The following PCDH15 variants were observed in gnomAD, a reference collection of about 807,000 sequenced individuals.
PCDH15 encodes protocadherin-15.
Under a neutral mutation model 178.5 loss-of-function variants are expected in PCDH15, and 129 were observed. The ratio of observed to expected loss-of-function variants is 0.72; its 90% CI spans 0.63 to 0.84. The LOEUF is 0.84. Among genes scored for constraint, PCDH15 ranks in the 40% least tolerant of loss-of-function variants. PCDH15 has a pLI of 0.00. For synonymous variants in PCDH15, 800 were observed against 732.0 expected, an observed-to-expected ratio of 1.09 and a Z score of -1.50; for missense variants, 2,230 against 2,099.9, an observed-to-expected ratio of 1.06 and a Z score of -1.21.
intron 25 of PCDH15, among the ~76,000 whole-genome samples, chr10:53,929,290 C>T (rs2084835854): frequency 6.6e-6 from 1 of 151,914 alleles, no homozygotes; most frequent in Admixed American, 6.6e-5. Context: ...TGCTATGAGT[C>T]CACTGGAATA....
At chr10:54,125,564 A>G (rs1435577696) in intron 15 of PCDH15, among the ~76,000 whole-genome samples, 1 of 152,188 alleles carries the variant, frequency 6.6e-6, no homozygotes, top group South Asian at 2.1e-4. Flanking sequence ...GCAAAGCTGA[A>G]GGGAATAAGG....
chr10:55,363,897 A>G (rs1845291039), intron 2 of PCDH15, among the ~76,000 whole-genome samples: 1 of 152,058 alleles, frequency 6.6e-6, no homozygotes, highest in Admixed American at 6.6e-5. Context: ...TCAGCCTCCC[A>G]AAGTGCTGGG....
chr10:54,142,211 T>A (rs931492498), intron 14 of PCDH15, among the ~76,000 whole-genome samples: 1 of 152,142 alleles, frequency 6.6e-6, no homozygotes, highest in African/African-American at 2.4e-5. Flanking sequence ...GCCACTGTGT[T>A]TTAATTTGTG....
intron 3 of PCDH15, among the ~76,000 whole-genome samples, chr10:54,834,600 CAA>C (rs1158759374): frequency 6.6e-6 from 1 of 151,500 alleles, no homozygotes; most frequent in Non-Finnish European, 1.5e-5. Flanking sequence ...AAGAAAGAAA[CAA>C]GAGAGTGACA....
At chr10:54,580,539 C>A (rs1260133245) in intron 2 of PCDH15, among the ~76,000 whole-genome samples, 5 of 151,944 alleles carry the variant, frequency 3.3e-5, no homozygotes, top group African/African-American at 1.2e-4. Flanking sequence ...GTCCTACTAC[C>A]AATTCTACTG....
chr10:54,945,461 C>T (rs1591799241), intron 2 of PCDH15, among the ~76,000 whole-genome samples: 2 of 145,444 alleles, frequency 1.4e-5, no homozygotes, highest in Non-Finnish European at 3.0e-5. Context: ...ATTATTTTGC[C>T]TTTTTTTTTT....
intron 2 of PCDH15, among the ~76,000 whole-genome samples, chr10:55,001,205 G>C (rs562513613): frequency 6.6e-6 from 1 of 152,130 alleles, no homozygotes; most frequent in African/African-American, 2.4e-5. Flanking sequence ...TACCCACTTC[G>C]GGTCTCCTGA....
intron 2 of PCDH15, among the ~76,000 whole-genome samples, chr10:55,011,119 CAT>C (rs1554822832): frequency 6.6e-6 from 1 of 151,990 alleles, no homozygotes; most frequent in Non-Finnish European, 1.5e-5. Context: ...CACACACACA[CAT>C]ACACGTGCAT....
At chr10:55,617,353 T>C (rs546222311) in intron 2 of PCDH15, among the ~76,000 whole-genome samples, 4 of 152,036 alleles carry the variant, frequency 2.6e-5, no homozygotes, top group Non-Finnish European at 5.9e-5. Flanking sequence ...TAAAAAGATA[T>C]ACTCTTCACT....
chr10:55,116,978 T>C (rs1411388969), intron 2 of PCDH15, among the ~76,000 whole-genome samples: 2 of 152,196 alleles, frequency 1.3e-5, no homozygotes, highest in East Asian at 1.9e-4. Flanking sequence ...TTATTACCAT[T>C]AGGTGACACT....
At chr10:54,096,647 T>C (rs74135787) in intron 15 of PCDH15, among the ~76,000 whole-genome samples, 5,666 of 152,232 alleles carry the variant, frequency 0.037, 342 homozygotes, top group African/African-American at 0.13. Flanking sequence ...TACACTTACA[T>C]AGTAGAAACA....
chr10:54,166,497 TTTTG>T (rs748077058), intron 13 of PCDH15, among the ~76,000 whole-genome samples: 624 of 152,318 alleles, frequency 4.1e-3, no homozygotes, highest in African/African-American at 0.014. Context: ...ACAATAGTGC[TTTTG>T]TTTGTTTGTT....
chr10:54,542,704 G>A (rs752864493), intron 2 of PCDH15, among the ~76,000 whole-genome samples: 1 of 152,080 alleles, frequency 6.6e-6, no homozygotes, highest in Non-Finnish European at 1.5e-5. Flanking sequence ...TTTTTGATAC[G>A]GGAGTACTGG....
chr10:55,533,517 TGAA>T (rs1841504637), intron 2 of PCDH15, among the ~76,000 whole-genome samples: 1 of 151,876 alleles, frequency 6.6e-6, no homozygotes, highest in Non-Finnish European at 1.5e-5. Context: ...ATACAGCTAA[TGAA>T]GAAGGTGAAA....
intron 2 of PCDH15, among the ~76,000 whole-genome samples, chr10:55,514,724 CA>C (rs1422405154): frequency 6.6e-6 from 1 of 151,992 alleles, no homozygotes; most frequent in Non-Finnish European, 1.5e-5. Context: ...GAACTACAGT[CA>C]AACAAAGAAG....
At position 54,692,908 on chromosome 10, in the gene PCDH15, T is replaced by C. The variant is rs184179745; in HGVS notation, c.-28-28618A>G. 3.2e-3 allele frequency among the ~76,000 whole-genome samples: 483 copies of C among 151,784 alleles called. 1 individual carries two copies. Among genetic ancestry groups the C allele is most frequent in the Admixed American group, 8.5e-3 (130 of 15,252 alleles). ...TAAATGTATTCTAAAACAACAACAA[T>C]AACAACAACAACCACAACAACAAAA... On this transcript the variant is annotated intron_variant, in intron 1 of 37. Coordinates refer to ENST00000644397, the MANE Select transcript of PCDH15 (RefSeq NM_001384140.1).
At chr10:55,410,212 C>A (rs1161486646) in intron 2 of PCDH15, among the ~76,000 whole-genome samples, 1 of 152,048 alleles carries the variant, frequency 6.6e-6, no homozygotes, top group East Asian at 1.9e-4. Flanking sequence ...TAAGCTGTAA[C>A]TCACTTTTAG....
At chr10:54,424,728 TA>T (rs1409830282) in intron 3 of PCDH15, among the ~76,000 whole-genome samples, 3 of 151,786 alleles carry the variant, frequency 2.0e-5, no homozygotes, top group Non-Finnish European at 4.4e-5. Context: ...ATGAAGCTGG[TA>T]ACCATCATTC....
At chr10:54,720,492 A>G (rs1024617859) in intron 1 of PCDH15, among the ~76,000 whole-genome samples, 1 of 147,926 alleles carries the variant, frequency 6.8e-6, no homozygotes, top group African/African-American at 2.5e-5. Context: ...GCCAAAAGAG[A>G]TTGGAAGACT....
Sources: allele counts gnomAD v4.1 joint callset (sites outside exome capture counted in the v4.1 genomes callset), GRCh38; gene constraint gnomAD v4.1.1; transcripts MANE v1.5; gene names NCBI Gene and HGNC (gene_info 2026-07-23, HGNC 2026-07-21).